SNX13: variants seen among roughly 807,000 people sequenced by gnomAD.
SNX13 encodes sorting nexin 13.
In SNX13, 45 loss-of-function variants were observed where a neutral mutation model predicts 133.6. The ratio of observed to expected loss-of-function variants is 0.34; its 90% CI spans 0.27 to 0.43. SNX13 has a LOEUF of 0.43. SNX13 is among the 20% of genes least tolerant of loss of function. SNX13 has a pLI of 1.00. For synonymous variants in SNX13, 414 were observed against 373.9 expected, an observed-to-expected ratio of 1.11 and a Z score of -1.24; for missense variants, 1,032 against 1,145.1, an observed-to-expected ratio of 0.90 and a Z score of 1.43.
intron 21 of SNX13, 111 bp downstream of exon 21, chr7:17,803,308 G>T: frequency 9.9e-7 from 1 of 1,005,604 alleles, no homozygotes; most frequent in Non-Finnish European, 1.4e-6. Flanking sequence ...GTCTAGCAAT[G>T]TTTGGAAAAG....
chr7:17,921,742 C>T (rs140587840), intron 1 of SNX13, among the ~76,000 whole-genome samples: 161 of 152,336 alleles, frequency 1.1e-3, no homozygotes, highest in African/African-American at 3.6e-3. Context: ...GTGAGCCATG[C>T]ATCAGAATTT....
chr7:17,899,454 C>T (rs1187273972), intron 1 of SNX13: 2 of 151,962 alleles, frequency 1.3e-5, no homozygotes, highest in South Asian at 2.1e-4. Context: ...TAAATTTGCC[C>T]TTTTGAGGCT....
intron 1 of SNX13, among the ~76,000 whole-genome samples, chr7:17,932,971 ACTGACTC>A (rs1469417618): frequency 2.6e-5 from 4 of 152,190 alleles, no homozygotes; most frequent in Non-Finnish European, 4.4e-5. Context: ...AGGTTTCCCA[ACTGACTC>A]ACCACTTCAA....
chr7:17,893,254 C>T lies in SNX13; in HGVS notation c.228+78G>A, dbSNP rs528988096. The T allele has an allele frequency of 1.6e-4, 153 of 953,106 alleles. No individual in the cohort carries two copies. In the African/African-American group the frequency reaches 2.3e-3, roughly 15 times the overall value. 59.0% of individuals were successfully genotyped at this position (953,106 alleles called of 1,614,324 possible). A position where few individuals can be genotyped will look rare whatever the true frequency, so the allele number is the denominator to read the frequency against. On this transcript the variant is annotated intron_variant, in intron 3 of 25. Transcript: ENST00000428135. Reference sequence around the variant, plus strand: ...GTAAACTATACGAAAATTTGTCACGCTATATATACAGATGATTACTCTATT... The same window carrying T: ...GTAAACTATACGAAAATTTGTCACGTTATATATACAGATGATTACTCTATT...
chr7:17,883,701 T>G (rs982218242), intron 5 of SNX13, among the ~76,000 whole-genome samples: 2 of 152,136 alleles, frequency 1.3e-5, no homozygotes, highest in African/African-American at 4.8e-5. Flanking sequence ...CCTAATGCTA[T>G]CCCTCCCCTT....
chr7:17,817,156 A>C (rs902964630), intron 18 of SNX13, among the ~76,000 whole-genome samples: 1 of 152,254 alleles, frequency 6.6e-6, no homozygotes, highest in South Asian at 2.1e-4. Flanking sequence ...GCACAAAGTA[A>C]ATGTGTATAC....
chr7:17,887,136 T>C (rs1173402261), intron 5 of SNX13, among the ~76,000 whole-genome samples: 1 of 152,232 alleles, frequency 6.6e-6, no homozygotes, highest in East Asian at 1.9e-4. Flanking sequence ...TGTCATTTAC[T>C]GGTTGGCAAA....
chr7:17,919,982 A>G (rs141187422), intron 1 of SNX13, among the ~76,000 whole-genome samples: 265 of 152,214 alleles, frequency 1.7e-3, no homozygotes, highest in African/African-American at 6.0e-3. Context: ...AATTAATTAA[A>G]TTAATGAATG....
intron 3 of SNX13, among the ~76,000 whole-genome samples, chr7:17,892,110 G>T (rs546063453): frequency 6.6e-6 from 1 of 151,840 alleles, no homozygotes; most frequent in Non-Finnish European, 1.5e-5. Context: ...TGTTCAGAAA[G>T]ATCAGTGGCC....
intron 20 of SNX13, among the ~76,000 whole-genome samples, chr7:17,809,615 C>T (rs769354405): frequency 1.8e-4 from 28 of 152,142 alleles, no homozygotes; most frequent in Non-Finnish European, 2.8e-4. Flanking sequence ...GTGGACCAAG[C>T]GGACCTAACA....
At chr7:17,848,948 T>C (rs185378654) in intron 11 of SNX13, among the ~76,000 whole-genome samples, 3 of 152,358 alleles carry the variant, frequency 2.0e-5, no homozygotes, top group East Asian at 1.9e-4. Context: ...CTTTACTTTG[T>C]CTTAAACTCT....
At chr7:17,806,050 G>A (rs1785259648) in intron 20 of SNX13, among the ~76,000 whole-genome samples, 1 of 152,162 alleles carries the variant, frequency 6.6e-6, no homozygotes. Context: ...TCATGCACAG[G>A]AGATTACGGA....
chr7:17,826,208 A>G (rs1787896141), intron 16 of SNX13, 117 bp from the exon 17 acceptor site: 3 of 565,934 alleles, frequency 5.3e-6, no homozygotes, highest in African/African-American at 1.9e-5. Context: ...TAAACTATAT[A>G]TTATTTGTAT....
intron 9 of SNX13, among the ~76,000 whole-genome samples, chr7:17,859,325 C>A (rs7788372): frequency 1.3e-5 from 2 of 151,900 alleles, no homozygotes; most frequent in Non-Finnish European, 2.9e-5. Flanking sequence ...AAAAGACGCT[C>A]GGTATCATTA....
chr7:17,857,875 G>A lies in SNX13; in HGVS notation c.838-6911C>T, dbSNP rs77629815. Reference sequence around the variant, plus strand: ...TCACAGAAATGCAAGAATGGTTCAAGATATGAAAATCGATAAGCATAATAC... The same window carrying A: ...TCACAGAAATGCAAGAATGGTTCAAAATATGAAAATCGATAAGCATAATAC... On this transcript the variant is annotated intron_variant, in intron 9 of 25. Coordinates refer to ENST00000428135, the MANE Select transcript of SNX13 (RefSeq NM_015132.5). 4.7e-3 allele frequency among the ~76,000 whole-genome samples: 713 copies of A among 152,270 alleles called. 1 individual carries two copies. Among genetic ancestry groups the A allele is most frequent in the Middle Eastern group, 0.01 (3 of 294 alleles).
intron 5 of SNX13, among the ~76,000 whole-genome samples, chr7:17,884,234 A>G (rs1186371322): frequency 1.3e-5 from 2 of 152,232 alleles, no homozygotes; most frequent in Non-Finnish European, 2.9e-5. Context: ...AAGGAAATAC[A>G]CTAAAACATT....
intron 3 of SNX13, 127 bp from the exon 4 acceptor site, chr7:17,891,762 G>C: frequency 1.7e-6 from 1 of 584,164 alleles, no homozygotes; most frequent in East Asian, 2.9e-5. Context: ...CCTTATTTGA[G>C]GTGCTACTCT....
At chr7:17,869,354 T>A (rs1793773282) in intron 8 of SNX13, among the ~76,000 whole-genome samples, 1 of 152,098 alleles carries the variant, frequency 6.6e-6, no homozygotes, top group Admixed American at 6.5e-5. Flanking sequence ...GTCATTGTTT[T>A]AAACATGGCA....
At chr7:17,806,839 C>CG (rs763952331) in intron 20 of SNX13, among the ~76,000 whole-genome samples, 1 of 152,288 alleles carries the variant, frequency 6.6e-6, no homozygotes, top group Non-Finnish European at 1.5e-5. Context: ...TCGCGTCACG[C>CG]GGGAAGTGGA....
Sources: allele counts gnomAD v4.1 joint callset (sites outside exome capture counted in the v4.1 genomes callset), GRCh38; gene constraint gnomAD v4.1.1; transcripts MANE v1.5; gene names NCBI Gene and HGNC (gene_info 2026-07-23, HGNC 2026-07-21).